The following PRKN variants were observed in gnomAD, a reference collection of about 807,000 sequenced individuals.
The protein encoded by PRKN is parkin RBR E3 ubiquitin protein ligase.
Under a neutral mutation model 59.5 loss-of-function variants are expected in PRKN, and 56 were observed. The observed-to-expected ratio is 0.94, with a 90% CI of 0.76 to 1.18. PRKN has a LOEUF of 1.18. PRKN is among the 50% of genes most tolerant of loss of function. The pLI, the probability that PRKN is intolerant of heterozygous loss-of-function variation, is 0.00. For missense variants in PRKN, 657 were observed against 596.4 expected, an observed-to-expected ratio of 1.10 and a Z score of -1.06; for synonymous variants, 250 against 222.1, an observed-to-expected ratio of 1.13 and a Z score of -1.12.
chr6:162,468,036 A>G (rs370063616), intron 1 of PRKN, among the ~76,000 whole-genome samples: 28 of 152,290 alleles, frequency 1.8e-4, no homozygotes, highest in African/African-American at 6.7e-4. Flanking sequence ...CTACTCTCTC[A>G]TCACCTTGTT....
chr6:161,948,458 T>A (rs542391526), intron 6 of PRKN, among the ~76,000 whole-genome samples: 1 of 152,312 alleles, frequency 6.6e-6, no homozygotes, highest in East Asian at 1.9e-4. Context: ...TCAAGTCTAC[T>A]GAGGCAGGCA....
intron 1 of PRKN, among the ~76,000 whole-genome samples, chr6:162,492,538 C>G (rs1225156106): frequency 1.3e-5 from 2 of 152,210 alleles, no homozygotes; most frequent in Non-Finnish European, 2.9e-5. Context: ...GTGGCTCACA[C>G]TTGTAATTCC....
intron 2 of PRKN, among the ~76,000 whole-genome samples, chr6:162,431,169 A>G (rs1789505287): frequency 6.8e-6 from 1 of 147,702 alleles, no homozygotes; most frequent in African/African-American, 2.6e-5. Context: ...CATTTATCCC[A>G]TTTAGTTGCT....
chr6:162,296,364 G>A (rs1422142476), intron 2 of PRKN, among the ~76,000 whole-genome samples: 1 of 151,922 alleles, frequency 6.6e-6, no homozygotes, highest in East Asian at 1.9e-4. Flanking sequence ...AGAGGATGGA[G>A]ACAAGCTCTG....
At chr6:162,396,614 C>T (rs1045386762) in intron 2 of PRKN, among the ~76,000 whole-genome samples, 3 of 152,110 alleles carry the variant, frequency 2.0e-5, no homozygotes, top group East Asian at 3.9e-4. Context: ...CTGGACCCGT[C>T]GCTTGTGTTA....
chr6:162,398,274 A>G (rs554574920), intron 2 of PRKN, among the ~76,000 whole-genome samples: 1 of 152,200 alleles, frequency 6.6e-6, no homozygotes, highest in South Asian at 2.1e-4. Context: ...TATAACATCA[A>G]CTTCATTTTT....
At chr6:161,607,447 C>A (rs1435350563) in intron 7 of PRKN, among the ~76,000 whole-genome samples, 2 of 152,200 alleles carry the variant, frequency 1.3e-5, no homozygotes, top group African/African-American at 4.8e-5. Flanking sequence ...ACAACAAACA[C>A]TCAACTACAA....
At chr6:161,640,363 T>C (rs182608686) in intron 7 of PRKN, among the ~76,000 whole-genome samples, 47 of 152,230 alleles carry the variant, frequency 3.1e-4, no homozygotes, top group Non-Finnish European at 2.9e-4. Context: ...TTATGGAGCA[T>C]TTTAGTTTTA....
intron 6 of PRKN, among the ~76,000 whole-genome samples, chr6:161,851,758 G>A (rs1467521813): frequency 1.3e-5 from 2 of 150,764 alleles, no homozygotes; most frequent in Non-Finnish European, 1.5e-5. Context: ...TTACAGGTGT[G>A]AGTCACCGCA....
chr6:161,531,486 CA>C (rs1388898627), intron 9 of PRKN, among the ~76,000 whole-genome samples: 1 of 152,124 alleles, frequency 6.6e-6, no homozygotes, highest in Non-Finnish European at 1.5e-5. Flanking sequence ...TTTAATGACC[CA>C]GTGTTGGAAG....
chr6:161,857,228 C>CA (rs760265748), intron 6 of PRKN, among the ~76,000 whole-genome samples: 1 of 152,042 alleles, frequency 6.6e-6, no homozygotes, highest in Admixed American at 6.6e-5. Flanking sequence ...GACTCCGCCT[C>CA]AAAAAATAAG....
At chr6:162,200,650 G>C (rs1784687392) in intron 4 of PRKN, among the ~76,000 whole-genome samples, 1 of 152,152 alleles carries the variant, frequency 6.6e-6, no homozygotes, top group South Asian at 2.1e-4. Flanking sequence ...CATACTGTTT[G>C]CTGATCCATA....
At chr6:162,511,837 G>T (rs995151109) in intron 1 of PRKN, among the ~76,000 whole-genome samples, 3 of 152,138 alleles carry the variant, frequency 2.0e-5, no homozygotes, top group African/African-American at 7.2e-5. Context: ...ACTGTTTCTT[G>T]AAAACTGCAC....
chr6:161,439,558 A>G (rs140302263), intron 9 of PRKN, among the ~76,000 whole-genome samples: 313 of 152,324 alleles, frequency 2.1e-3, no homozygotes, highest in African/African-American at 7.0e-3. Flanking sequence ...GCAGCTCTCA[A>G]CGGGTACAAG....
chr6:162,666,410 C>T (rs1317903170), intron 1 of PRKN, among the ~76,000 whole-genome samples: 1 of 152,064 alleles, frequency 6.6e-6, no homozygotes, highest in Admixed American at 6.6e-5. Flanking sequence ...TTAAAAATGG[C>T]ATTGTATATA....
rs930074304 is a variant in PRKN, at chr6:161,353,281, A to C, written c.1286-3070T>G. Among the ~76,000 whole-genome samples the C allele has an allele frequency of 6.6e-6, 1 of 152,172 alleles. No homozygotes were observed. Among genetic ancestry groups the C allele is most frequent in the East Asian group, 1.9e-4 (1 of 5,186 alleles). On this transcript the variant is annotated intron_variant, in intron 11 of 11. Transcript: ENST00000366898. The surrounding 1 kb of genome is among the most constrained non-coding windows in gnomAD (Gnocchi z 4.8). ...CGCAGCTGTTCTGACTGTGGGTTAT[A>C]AGACCCGGATTTCAGAAAGAGTCCT...
chr6:161,561,901 T>C lies in PRKN; in HGVS notation c.933+7454A>G, dbSNP rs1057495214. ...ATCCCATAAAACTCTGGCTCCTGTC[T>C]TTACGCATCCCCCAAAACTGCTCAT... is the stretch of plus-strand genomic sequence containing the variant. On this transcript the variant is annotated intron_variant, in intron 8 of 11. Coordinates refer to ENST00000366898, the MANE Select transcript of PRKN (RefSeq NM_004562.3). This position sits in a 1 kb window ranked among gnomAD's most constrained non-coding sequence, Gnocchi z 5.0. Among the ~76,000 whole-genome samples, 20 of 152,200 alleles carry C rather than the reference T, an allele frequency of 1.3e-4. 1 individual carries two copies. The highest frequency in any genetic ancestry group is 4.8e-4 in the African/African-American group (20 of 41,462).
At position 161,575,640 on chromosome 6, in the gene PRKN, T is replaced by C. The variant is rs1007421765; in HGVS notation, c.872-6224A>G. 2.6e-5 allele frequency among the ~76,000 whole-genome samples: 4 copies of C among 152,172 alleles called. No homozygotes were observed. Among genetic ancestry groups the C allele is most frequent in the African/African-American group, 9.7e-5 (4 of 41,438 alleles). ...GATATCCTTTGGGTTCAATGGAAAA[T>C]CGTGAGCACCCAGGCTTGGGATAGA... is the stretch of plus-strand genomic sequence containing the variant. On this transcript the variant is annotated intron_variant, in intron 7 of 11. Coordinates refer to ENST00000366898, the MANE Select transcript of PRKN (RefSeq NM_004562.3). The surrounding 1 kb of genome is among the most constrained non-coding windows in gnomAD (Gnocchi z 4.6).
intron 1 of PRKN, among the ~76,000 whole-genome samples, chr6:162,557,134 GC>G (rs1347906200): frequency 6.6e-6 from 1 of 152,158 alleles, no homozygotes; most frequent in African/African-American, 2.4e-5. Context: ...AATTCCTTTT[GC>G]CCAATGTGAA....
Sources: gnomAD v4.1 joint callset for allele counts (sites outside exome capture counted in the v4.1 genomes callset) on GRCh38, gnomAD v4.1.1 for gene constraint, Gnocchi (gnomAD v3.1) non-coding constraint, MANE v1.5 for transcripts, NCBI Gene and HGNC (gene_info 2026-07-23, HGNC 2026-07-21) for gene names.